KIFAP3: variants seen among roughly 807,000 people sequenced by gnomAD.
KIFAP3 encodes kinesin-associated protein 3.
KIFAP3 carries 68 observed loss-of-function variants against 106.5 expected under a neutral mutation model. The ratio of observed to expected loss-of-function variants is 0.64; its 90% CI spans 0.53 to 0.78. KIFAP3 has a LOEUF of 0.78. Ranked by LOEUF, KIFAP3 falls within the 30% of genes least tolerant of loss-of-function variation. The probability of loss-of-function intolerance (pLI) is 0.00; values close to 1 mark genes in which losing one functional copy is unlikely to be tolerated. For synonymous variants in KIFAP3, 320 were observed against 311.5 expected (o/e 1.03, Z -0.29); for missense variants, 780 against 941.8 (o/e 0.83, Z 2.25).
chr1:170,039,244 C>G lies in KIFAP3; in HGVS notation c.364G>C (p.Glu122Gln). The G allele has an allele frequency of 6.3e-7, 1 of 1,599,974 alleles. No homozygotes were observed. The highest frequency in any genetic ancestry group is 8.5e-7 in the Non-Finnish European group (1 of 1,171,266). The change falls in exon 4 of 20, where the codon GAA (glutamate) becomes CAA (glutamine). Residue 122 changes from glutamate (E) to glutamine (Q), a missense_variant. Glu to Gln is a conservative substitution (Grantham distance 29). Around this residue, in one of 3 missense-constraint regions of KIFAP3, gnomAD observed 588 missense variants for 678.9 expected, o/e 0.87. Coordinates refer to ENST00000361580, the MANE Select transcript of KIFAP3 (RefSeq NM_014970.4). ...SSKPKDPPPF[E>Q]GMEIDEVANI... The stretch of plus-strand genomic sequence containing the variant: ...GCATGCAGTCTTACCTCCATTCCTT[C>G]AAAAGGAGGTGGATCTTTAGGCTTG...
chr1:170,010,864 C>T (rs1055155628), intron 10 of KIFAP3, among the ~76,000 whole-genome samples: 2 of 151,952 alleles, frequency 1.3e-5, no homozygotes, highest in Non-Finnish European at 2.9e-5. Context: ...GCATAAAAAT[C>T]ACTTATGCTA....
At chr1:170,005,300 G>T (rs1219176500) in intron 10 of KIFAP3, among the ~76,000 whole-genome samples, 1 of 152,202 alleles carries the variant, frequency 6.6e-6, no homozygotes, top group Non-Finnish European at 1.5e-5. Flanking sequence ...ACAGTCTGGT[G>T]ATTCCTCAGG....
chr1:170,003,114 A>G (rs1268464174), intron 10 of KIFAP3, among the ~76,000 whole-genome samples: 2 of 152,216 alleles, frequency 1.3e-5, no homozygotes, highest in African/African-American at 2.4e-5. Flanking sequence ...AAATTAAACA[A>G]AAGATATATA....
intron 16 of KIFAP3, among the ~76,000 whole-genome samples, chr1:169,975,426 GATTT>G (rs1375989123): frequency 2.0e-4 from 31 of 151,874 alleles, no homozygotes; most frequent in African/African-American, 7.5e-4. Flanking sequence ...TTGCCTAATA[GATTT>G]ATTTCAAATA....
intron 19 of KIFAP3, among the ~76,000 whole-genome samples, chr1:169,944,433 C>G (rs1170399742): frequency 6.6e-6 from 1 of 152,216 alleles, no homozygotes; most frequent in Non-Finnish European, 1.5e-5. Flanking sequence ...GAGGGTGTCA[C>G]ATCCCTGGCT....
intron 10 of KIFAP3, among the ~76,000 whole-genome samples, chr1:170,013,825 T>A (rs1298346919): frequency 6.6e-6 from 1 of 151,434 alleles, no homozygotes; most frequent in Non-Finnish European, 1.5e-5. Context: ...GATTTGCTTT[T>A]ATCAACAGAA....
chr1:170,009,287 C>T (rs1025065243), intron 10 of KIFAP3, among the ~76,000 whole-genome samples: 3 of 151,916 alleles, frequency 2.0e-5, no homozygotes, highest in Non-Finnish European at 4.4e-5. Context: ...TAAAAGCTGA[C>T]ATAAAAATTT....
At position 170,074,482 on chromosome 1, in the gene KIFAP3, C is replaced by T. The variant is rs909192961; in HGVS notation, c.-15G>A. On this transcript the variant is annotated 5_prime_UTR_variant, in exon 1 of 20. Transcript: ENST00000361580. The stretch of plus-strand genomic sequence containing the variant: ...TCCCCTTGCATGGCGGCAGCGGCAG[C>T]GGCGTGGAGAGGATGGGGTATCTTG... 6.2e-6 allele frequency: 10 copies of T among 1,613,760 alleles called. No individual in the cohort carries two copies. In the African/African-American group the frequency reaches 8.0e-5, roughly 13 times the overall value.
At chr1:169,939,774 AG>A (rs1664006525) in intron 19 of KIFAP3, among the ~76,000 whole-genome samples, 1 of 152,216 alleles carries the variant, frequency 6.6e-6, no homozygotes, top group Non-Finnish European at 1.5e-5. Context: ...AGCTGAAAGA[AG>A]GGAGTTTCAA....
intron 5 of KIFAP3, among the ~76,000 whole-genome samples, chr1:170,037,434 A>T (rs1363256512): frequency 1.3e-5 from 2 of 152,118 alleles, no homozygotes; most frequent in Non-Finnish European, 2.9e-5. Context: ...ATGCATTTAA[A>T]ATGATTCTAT....
At chr1:170,001,545 T>C (rs898809460) in intron 10 of KIFAP3, among the ~76,000 whole-genome samples, 3 of 152,164 alleles carry the variant, frequency 2.0e-5, no homozygotes, top group Admixed American at 6.5e-5. Flanking sequence ...CTGACCCCTA[T>C]TGTTTGCTCA....
intron 15 of KIFAP3, among the ~76,000 whole-genome samples, chr1:169,981,595 GAAA>G: frequency 6.6e-6 from 1 of 151,202 alleles, no homozygotes; most frequent in South Asian, 2.1e-4. Flanking sequence ...GGTATGTTTA[GAAA>G]AAAAAAGTAT....
intron 4 of KIFAP3, 146 bp from the exon 5 acceptor site, chr1:170,038,577 A>C (rs1669809267): frequency 3.9e-6 from 3 of 768,572 alleles, no homozygotes; most frequent in Non-Finnish European, 6.3e-6. Context: ...TTGGATATGG[A>C]AATTTTAGAC....
chr1:170,015,569 T>G (rs1668463540), intron 10 of KIFAP3, among the ~76,000 whole-genome samples: 1 of 151,992 alleles, frequency 6.6e-6, no homozygotes, highest in Non-Finnish European at 1.5e-5. Context: ...GAACAAAGAG[T>G]TAAGACATAA....
intron 1 of KIFAP3, among the ~76,000 whole-genome samples, chr1:170,058,024 C>T (rs530310063): frequency 1.3e-5 from 2 of 152,156 alleles, no homozygotes; most frequent in East Asian, 3.9e-4. Context: ...ATGAAACATA[C>T]CTTCTATAAC....
At chr1:170,026,673 T>C (rs558072118) in intron 8 of KIFAP3, among the ~76,000 whole-genome samples, 1 of 152,256 alleles carries the variant, frequency 6.6e-6, no homozygotes, top group African/African-American at 2.4e-5. Context: ...GAGTTGAGTA[T>C]TGATTGGAGC....
intron 19 of KIFAP3, among the ~76,000 whole-genome samples, chr1:169,950,742 G>A (rs1029100701): frequency 4.0e-5 from 6 of 151,808 alleles, no homozygotes; most frequent in East Asian, 1.9e-4. Context: ...GCTTAAAATC[G>A]GTTAAAATTA....
chr1:170,011,739 G>A (rs973373215), intron 10 of KIFAP3, among the ~76,000 whole-genome samples: 2 of 151,866 alleles, frequency 1.3e-5, no homozygotes, highest in African/African-American at 4.8e-5. Context: ...TTATAACACA[G>A]TTTCCTTACT....
intron 19 of KIFAP3, among the ~76,000 whole-genome samples, chr1:169,925,446 A>C (rs1372598197): frequency 1.3e-5 from 2 of 151,996 alleles, no homozygotes; most frequent in Non-Finnish European, 2.9e-5. Context: ...AAAAGAGAAA[A>C]ATTATATTTA....
Sources: allele counts gnomAD v4.1 joint callset (sites outside exome capture counted in the v4.1 genomes callset), GRCh38; gene constraint gnomAD v4.1.1; regional missense constraint gnomAD v4.1.1; transcripts MANE v1.5; gene names NCBI Gene and HGNC (gene_info 2026-07-23, HGNC 2026-07-21).